Variants in EPG5 observed in about 807,000 individuals in gnomAD.
EPG5 encodes the protein ectopic P granules protein 5 homolog.
Under a neutral mutation model 302.7 loss-of-function variants are expected in EPG5, and 159 were observed. The observed-to-expected ratio is 0.53, with a 90% CI of 0.46 to 0.60. EPG5 has a LOEUF of 0.60. EPG5 is among the 20% of genes least tolerant of loss of function. The pLI, the probability that EPG5 is intolerant of heterozygous loss-of-function variation, is 0.00. For synonymous variants in EPG5, 1,158 were observed against 1,136.8 expected, an observed-to-expected ratio of 1.02 and a Z score of -0.37; for missense variants, 2,896 against 3,092.4, an observed-to-expected ratio of 0.94 and a Z score of 1.51.
the EPG5 span, among the ~76,000 whole-genome samples, chr18:45,806,562 A>T: frequency 1.3e-5 from 2 of 151,922 alleles, no homozygotes; most frequent in African/African-American, 4.8e-5. Flanking sequence ...CCCTGAACAC[A>T]CCTCCCCACC....
the EPG5 span, among the ~76,000 whole-genome samples, chr18:45,803,407 AG>A: frequency 6.6e-6 from 1 of 152,182 alleles, no homozygotes; most frequent in Non-Finnish European, 1.5e-5. Flanking sequence ...AGCAGGCTCC[AG>A]GGGGAAGTTA....
the EPG5 span, among the ~76,000 whole-genome samples, chr18:45,817,190 A>G: frequency 6.6e-6 from 1 of 152,314 alleles, no homozygotes; most frequent in South Asian, 2.1e-4. Flanking sequence ...TGATGGGTGC[A>G]CCAAAATCTC....
At chr18:45,860,780 G>A (rs1263977854) in intron 39 of EPG5, among the ~76,000 whole-genome samples, 7 of 152,116 alleles carry the variant, frequency 4.6e-5, no homozygotes, top group Non-Finnish European at 7.4e-5. Context: ...ATATTCTAGG[G>A]TGATTTACAC....
chr18:45,929,045 T>A (rs769971103), intron 12 of EPG5, 36 bp from the exon 13 acceptor site: 1 of 1,596,616 alleles, frequency 6.3e-7, no homozygotes, highest in Non-Finnish European at 8.6e-7. Context: ...ATGGCACTTT[T>A]AATATCAATT....
chr18:45,967,128 G>A lies in EPG5; in HGVS notation c.63+49C>T, dbSNP rs1218684430. The A allele has an allele frequency of 2.6e-6, 4 of 1,540,894 alleles. No homozygotes were observed. In the African/African-American group the frequency reaches 5.5e-5, roughly 21 times the overall value. On this transcript the variant is annotated intron_variant, in intron 1 of 43. Coordinates refer to ENST00000282041, the MANE Select transcript of EPG5 (RefSeq NM_020964.3). ...TGGGGAGGCCGAAGAGAGGAGCAAGGAGACACAGCACACTGCCAGAGCCTC... is the reference window on the plus strand; with the variant it reads ...TGGGGAGGCCGAAGAGAGGAGCAAGAAGACACAGCACACTGCCAGAGCCTC...
intron 9 of EPG5, among the ~76,000 whole-genome samples, chr18:45,941,121 G>C (rs1052992593): frequency 6.6e-6 from 1 of 151,878 alleles, no homozygotes; most frequent in South Asian, 2.1e-4. Context: ...TCCAGGGACT[G>C]AGCCCTGAGA....
At chr18:45,943,333 G>GA (rs762334002) in intron 8 of EPG5, 22 bp from the exon 9 acceptor site, 5 of 1,599,112 alleles carry the variant, frequency 3.1e-6, no homozygotes, top group Non-Finnish European at 4.3e-6. Flanking sequence ...TCAGATAAAA[G>GA]AAAAAAATCA....
intron 11 of EPG5, among the ~76,000 whole-genome samples, chr18:45,933,448 G>A (rs941467748): frequency 3.3e-5 from 5 of 152,148 alleles, no homozygotes; most frequent in Non-Finnish European, 7.4e-5. Context: ...GGAGGCCAAG[G>A]CAGGTGGATC....
At chr18:45,856,388 C>T (rs1184203269) in intron 42 of EPG5, among the ~76,000 whole-genome samples, 3 of 152,024 alleles carry the variant, frequency 2.0e-5, no homozygotes, top group Admixed American at 6.6e-5. Flanking sequence ...ACTAGAGACA[C>T]GGGGATTAAA....
chr18:45,917,921 G>A, intron 16 of EPG5, 102 bp from the exon 17 acceptor site: 2 of 1,190,382 alleles, frequency 1.7e-6, no homozygotes, highest in South Asian at 1.5e-5. Context: ...GTTATCTCAG[G>A]TCTCCAACAC....
At chr18:45,817,074 A>G in the EPG5 span, among the ~76,000 whole-genome samples, 1 of 152,174 alleles carries the variant, frequency 6.6e-6, no homozygotes, top group Non-Finnish European at 1.5e-5. Context: ...AAGAGGATGC[A>G]AAGGCTTAAT....
chr18:45,840,041 A>T, the EPG5 span, among the ~76,000 whole-genome samples: 25 of 151,028 alleles, frequency 1.7e-4, no homozygotes, highest in Admixed American at 3.3e-4. Flanking sequence ...CTCCTCACTA[A>T]CTCCCCAGCA....
At chr18:45,900,879 G>T in intron 26 of EPG5, 117 bp downstream of exon 26, 1 of 1,070,428 alleles carries the variant, frequency 9.3e-7, no homozygotes, top group Non-Finnish European at 1.3e-6. Context: ...GGGCCAGGTT[G>T]GTCAAACTAT....
At chr18:45,949,463 T>A (rs1486763289) in intron 5 of EPG5, 21 bp downstream of exon 5, 26 of 1,477,000 alleles carry the variant, frequency 1.8e-5, no homozygotes, top group Non-Finnish European at 2.5e-5. Flanking sequence ...CCCCTCAGAA[T>A]GAGTTGATGA....
chr18:45,820,593 A>G, the EPG5 span, among the ~76,000 whole-genome samples: 2 of 150,132 alleles, frequency 1.3e-5, no homozygotes, highest in Admixed American at 6.7e-5. Flanking sequence ...TTGCTGCTAC[A>G]TGACCACCTG....
intron 27 of EPG5, 114 bp downstream of exon 27, chr18:45,899,290 A>G: frequency 3.2e-6 from 4 of 1,250,274 alleles, no homozygotes; most frequent in Non-Finnish European, 4.5e-6. Flanking sequence ...AAACTAGTAA[A>G]TGTTTGGGAC....
At chr18:45,858,842 T>A in intron 40 of EPG5, 60 bp from the exon 41 acceptor site, 1 of 1,266,514 alleles carries the variant, frequency 7.9e-7, no homozygotes, top group Non-Finnish European at 1.1e-6. Flanking sequence ...TTGACAACTC[T>A]AGCAAATATT....
chr18:45,898,510 A>G (rs559895129), intron 27 of EPG5, among the ~76,000 whole-genome samples: 8 of 152,328 alleles, frequency 5.3e-5, no homozygotes, highest in African/African-American at 1.7e-4. Flanking sequence ...AATTCTGCCT[A>G]TATTCCAGTG....
chr18:45,937,233 T>TACAC (rs1289632590), intron 10 of EPG5, among the ~76,000 whole-genome samples: 249 of 76,290 alleles, frequency 3.3e-3, no homozygotes, highest in African/African-American at 0.012. Context: ...TATACATATA[T>TACAC]ATACACACAC....
Sources: gnomAD v4.1 joint callset for allele counts (sites outside exome capture counted in the v4.1 genomes callset) on GRCh38, gnomAD v4.1.1 for gene constraint, MANE v1.5 for transcripts, NCBI Gene and HGNC (gene_info 2026-07-23, HGNC 2026-07-21) for gene names.